Variants in MNAT1 observed in about 807,000 individuals in gnomAD.
MNAT1 encodes CDK-activating kinase assembly factor MAT1.
Under a neutral mutation model 42.0 loss-of-function variants are expected in MNAT1, and 43 were observed. That is an observed-to-expected ratio of 1.02 (90% CI 0.80 to 1.32). The LOEUF (loss-of-function observed/expected upper bound fraction) is 1.32. Ranked by LOEUF, MNAT1 falls within the 40% of genes most tolerant of loss-of-function variation. The pLI is 0.00. For missense variants in MNAT1, 306 were observed against 350.4 expected (o/e 0.87, Z 1.01); for synonymous variants, 118 against 120.0 (o/e 0.98, Z 0.11).
At chr14:60,897,164 T>C (rs1269623081) in intron 7 of MNAT1, among the ~76,000 whole-genome samples, 1 of 152,122 alleles carries the variant, frequency 6.6e-6, no homozygotes, top group Non-Finnish European at 1.5e-5. Flanking sequence ...TAGTGAAAAA[T>C]AATTAAAAAT....
chr14:60,894,517 T>C (rs1037238297), intron 7 of MNAT1, among the ~76,000 whole-genome samples: 2 of 152,148 alleles, frequency 1.3e-5, no homozygotes, highest in African/African-American at 2.4e-5. Flanking sequence ...GGCAACACTT[T>C]GTTTGGAGCC....
intron 1 of MNAT1, among the ~76,000 whole-genome samples, chr14:60,775,191 G>T (rs575741437): frequency 6.6e-6 from 1 of 152,172 alleles, no homozygotes; most frequent in Non-Finnish European, 1.5e-5. Flanking sequence ...GGTCACAGAA[G>T]TCTAGAGAAT....
chr14:60,966,923 C>T (rs1217343192), intron 7 of MNAT1, among the ~76,000 whole-genome samples: 1 of 151,876 alleles, frequency 6.6e-6, no homozygotes, highest in African/African-American at 2.4e-5. Context: ...ACATATAGTA[C>T]ATTAGTATTC....
At chr14:60,942,618 T>C (rs1328517090) in intron 7 of MNAT1, among the ~76,000 whole-genome samples, 1 of 152,168 alleles carries the variant, frequency 6.6e-6, no homozygotes, top group Non-Finnish European at 1.5e-5. Flanking sequence ...GCCTCTGATT[T>C]AGCGCCCTTC....
chr14:60,779,558 C>G (rs1486750923), intron 1 of MNAT1, among the ~76,000 whole-genome samples: 2 of 152,048 alleles, frequency 1.3e-5, no homozygotes, highest in Non-Finnish European at 2.9e-5. Flanking sequence ...GGAGGCCGAG[C>G]AGGAGGATCA....
chr14:60,782,646 T>A (rs1321288436), intron 1 of MNAT1, among the ~76,000 whole-genome samples: 1 of 152,324 alleles, frequency 6.6e-6, no homozygotes, highest in East Asian at 1.9e-4. Context: ...TTTCTAAGCA[T>A]TTTACCTGTA....
At chr14:60,746,786 A>G (rs1034328762) in intron 1 of MNAT1, among the ~76,000 whole-genome samples, 3 of 149,136 alleles carry the variant, frequency 2.0e-5, no homozygotes, top group African/African-American at 7.4e-5. Context: ...AGCGTAACTT[A>G]TAGTTCTTTA....
chr14:60,863,899 T>C (rs546293619), intron 6 of MNAT1, among the ~76,000 whole-genome samples: 24 of 152,118 alleles, frequency 1.6e-4, no homozygotes, highest in Non-Finnish European at 2.9e-4. Flanking sequence ...AATTTACTTC[T>C]GCATTGCCAG....
chr14:60,746,089 A>T (rs1009520421), intron 1 of MNAT1, among the ~76,000 whole-genome samples: 3 of 152,192 alleles, frequency 2.0e-5, no homozygotes, highest in African/African-American at 7.2e-5. Context: ...CAAGTTAGAA[A>T]ATCTAGGCTC....
rs2032015068 is a variant in MNAT1 at position 60,796,244 on chromosome 14, T to C, written c.117T>C (p.Phe39=). The change falls in exon 2 of 8, where the codon TTT becomes TTC. Residue 39 remains phenylalanine (F), a synonymous_variant. Transcript: ENST00000261245. Reference sequence around the variant, plus strand: ...GTGAAAGTTGTGTAGATTTACTGTTTGTGAGAGGAGCTGGAAACTGCCCTG... The same window carrying C: ...GTGAAAGTTGTGTAGATTTACTGTTCGTGAGAGGAGCTGGAAACTGCCCTG... The part of the protein sequence containing the change: ...TLCESCVDLL[F]VRGAGNCPEC... 1 of 1,613,070 alleles carries C rather than the reference T, an allele frequency of 6.2e-7. No homozygotes were observed. The highest frequency in any genetic ancestry group is 8.5e-7 in the Non-Finnish European group (1 of 1,179,568).
At chr14:60,742,297 A>G (rs560499624) in intron 1 of MNAT1, among the ~76,000 whole-genome samples, 4 of 152,050 alleles carry the variant, frequency 2.6e-5, no homozygotes, top group Non-Finnish European at 5.9e-5. Context: ...TGTGTTGCCC[A>G]GGCTGGTCTC....
At chr14:60,848,562 A>G (rs545825019) in intron 6 of MNAT1, among the ~76,000 whole-genome samples, 11 of 152,244 alleles carry the variant, frequency 7.2e-5, no homozygotes, top group South Asian at 4.1e-4. Flanking sequence ...AGGAATGACT[A>G]CTTAAGCATC....
At chr14:60,777,016 T>A (rs1023948634) in intron 1 of MNAT1, among the ~76,000 whole-genome samples, 1 of 151,902 alleles carries the variant, frequency 6.6e-6, no homozygotes, top group Non-Finnish European at 1.5e-5. Flanking sequence ...CCCGGCTAAT[T>A]TTTTTGTATT....
chr14:60,808,008 CA>C (rs2032429680), intron 3 of MNAT1, among the ~76,000 whole-genome samples: 1 of 151,878 alleles, frequency 6.6e-6, no homozygotes, highest in Non-Finnish European at 1.5e-5. Context: ...AAAATTTAAA[CA>C]ATTTTTTTAT....
rs142285863 is a variant in MNAT1, at chr14:60,866,242, T to C, written c.688-13472T>C. Among the ~76,000 whole-genome samples the C allele has an allele frequency of 1.6e-3, 242 of 151,814 alleles. 1 individual carries two copies. The highest frequency in any genetic ancestry group is 0.01 in the Middle Eastern group (3 of 290). On this transcript the variant is annotated intron_variant, in intron 6 of 7. Transcript: ENST00000261245. The stretch of plus-strand genomic sequence containing the variant: ...AGATTTACATAAAGAGATTAAAATA[T>C]GCACAGAACAATGTACAGTATACTT...
intron 7 of MNAT1, among the ~76,000 whole-genome samples, chr14:60,941,965 C>G (rs1441220794): frequency 8.7e-6 from 1 of 114,576 alleles, no homozygotes; most frequent in African/African-American, 3.3e-5. Context: ...GATCGCACCA[C>G]TGTACTCCAG....
At chr14:60,741,400 C>T (rs1896455688) in intron 1 of MNAT1, among the ~76,000 whole-genome samples, 2 of 152,122 alleles carry the variant, frequency 1.3e-5, no homozygotes, top group South Asian at 4.1e-4. Flanking sequence ...CGCTCTGTTG[C>T]CCAGGCTGGA....
chr14:60,937,357 T>C (rs1316729222), intron 7 of MNAT1, among the ~76,000 whole-genome samples: 1 of 152,264 alleles, frequency 6.6e-6, no homozygotes, highest in African/African-American at 2.4e-5. Context: ...TTTATGGTTT[T>C]AGGTCTAACA....
chr14:60,968,633 A>C lies in MNAT1; in HGVS notation c.*284A>C. Reference sequence around the variant, plus strand: ...TCACCTATATGTGTTTGAGGTTGTGACAGACTTATAAAATCTTTTTAAAAA... The same window carrying C: ...TCACCTATATGTGTTTGAGGTTGTGCCAGACTTATAAAATCTTTTTAAAAA... On this transcript the variant is annotated 3_prime_UTR_variant, in exon 8 of 8. Transcript: ENST00000261245. The C allele has an allele frequency of 2.7e-6, 2 of 747,976 alleles. No homozygotes were observed. The highest frequency in any genetic ancestry group is 1.8e-5 in the African/African-American group (1 of 54,238). The allele number at this position is 747,976 out of a possible 1,614,324, so 46.3% of individuals were successfully genotyped here. A position where few individuals can be genotyped will look rare whatever the true frequency, so the allele number is the denominator to read the frequency against.
Sources: allele counts gnomAD v4.1 joint callset (sites outside exome capture counted in the v4.1 genomes callset), GRCh38; gene constraint gnomAD v4.1.1; transcripts MANE v1.5; gene names NCBI Gene and HGNC (gene_info 2026-07-23, HGNC 2026-07-21).